Variants in F8 observed in about 807,000 individuals in gnomAD.
F8 encodes the protein coagulation factor VIII, also known as antihemophilic factor.
Under a neutral mutation model 140.6 loss-of-function variants are expected in F8, and 12 were observed. The ratio of observed to expected loss-of-function variants is 0.09; its 90% CI spans 0.05 to 0.14. The LOEUF (loss-of-function observed/expected upper bound fraction) is 0.14. F8 is among the 10% of genes least tolerant of loss of function. F8 has a pLI of 1.00. For missense variants in F8, 1,354 were observed against 1,720.7 expected (o/e 0.79, Z 3.77); for synonymous variants, 585 against 614.6 (o/e 0.95, Z 0.71).
At position 154,929,021 on chromosome X, in the gene F8, T is replaced by C. The variant is rs1243859002; in HGVS notation, c.4769A>G (p.Tyr1590Cys). The change falls in exon 14 of 26, where the codon TAT (tyrosine) becomes TGT (cysteine). Residue 1590 changes from tyrosine to cysteine, a missense_variant. Tyr to Cys is a radical substitution (Grantham distance 194). Coordinates refer to ENST00000360256, the MANE Select transcript of F8 (RefSeq NM_000132.4). ...LLDPLAWDNH[Y>C]GTQIPKEEWK... is the part of the protein sequence containing the mutation. ...CTCTTCTTTTGGTATCTGAGTACCA[T>C]AGTGGTTATCCCAAGCAAGAGGATC... The C allele has an allele frequency of 4.1e-6, 5 of 1,211,332 alleles. No homozygotes were observed. The highest frequency in any genetic ancestry group is 3.0e-5 in the East Asian group (1 of 33,861).
chrX:154,999,817 A>G (rs1239785816), intron 1 of F8, among the ~76,000 whole-genome samples: 1 of 112,552 alleles, frequency 8.9e-6, no homozygotes, highest in Non-Finnish European at 1.9e-5. Flanking sequence ...ATAACCATAC[A>G]CTGCATCAGC....
intron 22 of F8, among the ~76,000 whole-genome samples, chrX:154,885,803 C>CTCAGCATGA: frequency 1.1e-5 from 1 of 89,118 alleles, no homozygotes; most frequent in Non-Finnish European, 2.2e-5. Context: ...CGGGAAAGTC[C>CTCAGCATGA]TCAGCATGAT....
chrX:154,867,923 G>A (rs2072744727), intron 22 of F8, among the ~76,000 whole-genome samples: 1 of 110,557 alleles, frequency 9.0e-6, no homozygotes, highest in African/African-American at 3.3e-5. Context: ...CACATTATCA[G>A]AATGAAAGAT....
Position 154,947,687 on chromosome X carries a change from T to A in F8, c.2113+11A>T. The A allele has an allele frequency of 8.4e-7, 1 of 1,196,599 alleles. No individual in the cohort carries two copies. Among genetic ancestry groups the A allele is most frequent in the South Asian group, 1.8e-5 (1 of 56,634 alleles). On this transcript the variant is annotated intron_variant, in intron 13 of 25. Coordinates refer to ENST00000360256, the MANE Select transcript of F8 (RefSeq NM_000132.4). ...CACAGCTGTTGGTACAAGAAAAATA[T>A]AATAACTAACCTGGGTTTTCCATCG...
intron 13 of F8, among the ~76,000 whole-genome samples, chrX:154,940,724 A>G (rs1246712553): frequency 8.9e-6 from 1 of 112,084 alleles, no homozygotes; most frequent in Admixed American, 9.5e-5. Flanking sequence ...CAGATTCACC[A>G]AAGTTGAAAT....
intron 14 of F8, among the ~76,000 whole-genome samples, chrX:154,910,371 T>C (rs1557276646): frequency 1.0e-5 from 1 of 95,367 alleles, no homozygotes; most frequent in Non-Finnish European, 2.1e-5. Context: ...AATTGAACAA[T>C]GAGAACACTT....
intron 21 of F8, chrX:154,898,112 T>C (rs1028053587): frequency 8.9e-6 from 1 of 112,031 alleles, no homozygotes; most frequent in Non-Finnish European, 1.9e-5. Context: ...GCCTGCTGAC[T>C]TCCCCCTGTG....
intron 25 of F8, among the ~76,000 whole-genome samples, chrX:154,846,112 T>G (rs190678261): frequency 5.3e-5 from 6 of 112,297 alleles, no homozygotes; most frequent in Non-Finnish European, 7.5e-5. Flanking sequence ...TTTGAATGAG[T>G]TTCTTAATCC....
intron 17 of F8, 97 bp from the exon 18 acceptor site, chrX:154,904,185 C>T (rs2073024997): frequency 9.1e-7 from 1 of 1,095,143 alleles, no homozygotes; most frequent in Admixed American, 2.2e-5. Flanking sequence ...GATTCCACTC[C>T]CACAGATATA....
chrX:154,890,855 C>T (rs1330171154), intron 22 of F8, among the ~76,000 whole-genome samples: 1 of 112,170 alleles, frequency 8.9e-6, no homozygotes, highest in Non-Finnish European at 1.9e-5. Flanking sequence ...GAGCAATAGT[C>T]TTCATGGAAA....
chrX:154,904,602 A>G, intron 16 of F8, 78 bp from the exon 17 acceptor site: 1 of 932,251 alleles, frequency 1.1e-6, no homozygotes, highest in Non-Finnish European at 1.6e-6. Context: ...ATCAATTTTT[A>G]TGCCAGTCCA....
At position 154,997,061 on chromosome X, in the gene F8, A is replaced by G; in HGVS notation, c.300T>C (p.Tyr100=). 3 of 1,211,557 alleles carry G rather than the reference A, an allele frequency of 2.5e-6. No individual in the cohort carries two copies. The highest frequency in any genetic ancestry group is 3.4e-6 in the Non-Finnish European group (3 of 895,146). Residue 100 remains tyrosine, a synonymous_variant, in exon 3 of 26, where the codon TAT becomes TAC. Coordinates refer to ENST00000360256, the MANE Select transcript of F8 (RefSeq NM_000132.4). ...TCTTAAGTGTAATGACCACTGTATC[A>G]TAAACCTCAGCCTGGATGGTAGGAC... ...LLGPTIQAEV[Y]DTVVITLKNM...
At chrX:154,855,399 G>A (rs1314407830) in intron 25 of F8, among the ~76,000 whole-genome samples, 1 of 111,435 alleles carries the variant, frequency 9.0e-6, no homozygotes, top group Non-Finnish European at 1.9e-5. Context: ...TAGCCACAGA[G>A]CTGAGATTGC....
intron 13 of F8, among the ~76,000 whole-genome samples, chrX:154,943,860 C>T (rs1030298706): frequency 3.7e-4 from 41 of 111,232 alleles, no homozygotes; most frequent in African/African-American, 7.2e-4. Flanking sequence ...TCAGAAATAA[C>T]GCCACGCATC....
chrX:154,842,845 G>A (rs113126849), intron 25 of F8, among the ~76,000 whole-genome samples: 6 of 111,072 alleles, frequency 5.4e-5, no homozygotes, highest in Admixed American at 3.8e-4. Flanking sequence ...TGTGCACAAC[G>A]TGCAGGTTTG....
At chrX:154,919,822 T>TGAC in intron 14 of F8, 1 of 274,871 alleles carries the variant, frequency 3.6e-6, no homozygotes, top group Non-Finnish European at 6.6e-6. Context: ...CAAGGAGTGA[T>TGAC]GACCCACTCT....
chrX:154,928,742 T>A lies in F8; in HGVS notation c.5048A>T (p.Tyr1683Phe). Residue 1683 changes from tyrosine (Y) to phenylalanine (F), a missense_variant, in exon 14 of 26, where the codon TAT becomes TTT. By Grantham distance (22) the Tyr-to-Phe change is conservative. Coordinates refer to ENST00000360256, the MANE Select transcript of F8 (RefSeq NM_000132.4). Reference protein sequence around the residue: ...TLQSDQEEIDYDDTISVEMKK... With the variant: ...TLQSDQEEIDFDDTISVEMKK... ...CATTTCAACTGATATGGTATCATCATAGTCAATTTCCTCTTGATCTGACTG... is the reference window on the plus strand; with the variant it reads ...CATTTCAACTGATATGGTATCATCAAAGTCAATTTCCTCTTGATCTGACTG... The A allele has an allele frequency of 8.3e-7, 1 of 1,211,486 alleles. No homozygotes were observed. The highest frequency in any genetic ancestry group is 1.1e-6 in the Non-Finnish European group (1 of 895,349).
At chrX:154,936,018 AC>A (rs1557279204) in intron 13 of F8, among the ~76,000 whole-genome samples, 50 of 109,914 alleles carry the variant, frequency 4.5e-4, no homozygotes, top group African/African-American at 1.6e-3. Context: ...ACACACACAC[AC>A]ACACAAAAAT....
At chrX:154,982,351 G>A (rs1201962071) in intron 6 of F8, among the ~76,000 whole-genome samples, 14 of 104,204 alleles carry the variant, frequency 1.3e-4, no homozygotes, top group Middle Eastern at 4.9e-3. Flanking sequence ...GGAGGCTGAG[G>A]CAGGAGAATG....
Sources: allele counts gnomAD v4.1 joint callset (sites outside exome capture counted in the v4.1 genomes callset), GRCh38; gene constraint gnomAD v4.1.1; transcripts MANE v1.5; gene names NCBI Gene and HGNC (gene_info 2026-07-23, HGNC 2026-07-21).